PDGFC: variants seen among roughly 807,000 people sequenced by gnomAD.
PDGFC encodes the protein platelet-derived growth factor C.
A neutral mutation model predicts 35.5 loss-of-function variants in PDGFC; 12 were observed. The ratio of observed to expected loss-of-function variants is 0.34; its 90% CI spans 0.22 to 0.55. The LOEUF is 0.55. Among genes scored for constraint, PDGFC ranks in the 20% least tolerant of loss-of-function variants. The probability of loss-of-function intolerance (pLI) is 0.91; values close to 1 mark genes in which losing one functional copy is unlikely to be tolerated. For missense variants in PDGFC, 322 were observed against 412.4 expected, an observed-to-expected ratio of 0.78 and a Z score of 1.90; for synonymous variants, 159 against 148.8, an observed-to-expected ratio of 1.07 and a Z score of -0.50.
chr4:156,874,819 C>T (rs900053567), intron 1 of PDGFC, among the ~76,000 whole-genome samples: 2 of 151,848 alleles, frequency 1.3e-5, no homozygotes, highest in African/African-American at 4.8e-5. Flanking sequence ...GGGGCTCACA[C>T]CATCCTCCCA....
chr4:156,770,650 A>C (rs1255882688), intron 4 of PDGFC: 1 of 152,128 alleles, frequency 6.6e-6, no homozygotes, highest in African/African-American at 2.4e-5. Context: ...TCTCCTAAGA[A>C]AACAAATACA....
At chr4:156,871,816 T>G (rs1247060908) in intron 1 of PDGFC, among the ~76,000 whole-genome samples, 1 of 152,010 alleles carries the variant, frequency 6.6e-6, no homozygotes, top group East Asian at 1.9e-4. Context: ...AGTATTCTTG[T>G]AAACAAACAT....
chr4:156,860,760 T>A (rs1729691739), intron 1 of PDGFC, among the ~76,000 whole-genome samples: 1 of 152,122 alleles, frequency 6.6e-6, no homozygotes, highest in Non-Finnish European at 1.5e-5. Flanking sequence ...TGATTTAAAC[T>A]TAAAGATCTA....
At position 156,767,757 on chromosome 4, in the gene PDGFC, A is replaced by G; in HGVS notation, c.921+16T>C. On this transcript the variant is annotated intron_variant, in intron 5 of 5. Coordinates refer to ENST00000502773, the MANE Select transcript of PDGFC (RefSeq NM_016205.3). Reference sequence around the variant, plus strand: ...AAAATACCCGAAGGAAACCAAAAAGAAAATTGTATACCTACCTCGTGGTAT... The same window carrying G: ...AAAATACCCGAAGGAAACCAAAAAGGAAATTGTATACCTACCTCGTGGTAT... The G allele has an allele frequency of 3.2e-6, 5 of 1,546,676 alleles. No individual in the cohort carries two copies. Among genetic ancestry groups the G allele is most frequent in the Non-Finnish European group, 4.5e-6 (5 of 1,119,192 alleles).
chr4:156,825,644 A>AAGAAGAAGAAG (rs1732446520), intron 2 of PDGFC, among the ~76,000 whole-genome samples: 1 of 116,082 alleles, frequency 8.6e-6, no homozygotes, highest in African/African-American at 3.7e-5. Context: ...AGAAGAAGAA[A>AAGAAGAAGAAG]AGAAAGAAGG....
intron 1 of PDGFC, among the ~76,000 whole-genome samples, chr4:156,951,654 G>A (rs1021067569): frequency 6.7e-6 from 1 of 149,792 alleles, no homozygotes; most frequent in Non-Finnish European, 1.5e-5. Context: ...TCTTAATTTT[G>A]TGATACTATT....
intron 1 of PDGFC, among the ~76,000 whole-genome samples, chr4:156,913,138 C>A (rs1731077690): frequency 6.6e-6 from 1 of 151,992 alleles, no homozygotes; most frequent in Non-Finnish European, 1.5e-5. Flanking sequence ...ATATACATAC[C>A]CTTCGCATCA....
chr4:156,827,778 T>C (rs1728815369), intron 2 of PDGFC, among the ~76,000 whole-genome samples: 1 of 152,130 alleles, frequency 6.6e-6, no homozygotes, highest in Admixed American at 6.5e-5. Context: ...TTTTATTATT[T>C]TCCAAGGTCA....
chr4:156,873,747 C>A (rs934116014), intron 1 of PDGFC, among the ~76,000 whole-genome samples: 1 of 152,094 alleles, frequency 6.6e-6, no homozygotes, highest in Non-Finnish European at 1.5e-5. Flanking sequence ...TTGTTTTAAT[C>A]CCAAGATCCC....
At chr4:156,836,894 A>G (rs1327741205) in intron 2 of PDGFC, among the ~76,000 whole-genome samples, 1 of 152,182 alleles carries the variant, frequency 6.6e-6, no homozygotes, top group African/African-American at 2.4e-5. Context: ...TCAGTTAGGA[A>G]TAAATTTTAA....
chr4:156,763,750 T>C (rs1730447364), intron 5 of PDGFC, among the ~76,000 whole-genome samples: 1 of 152,216 alleles, frequency 6.6e-6, no homozygotes, highest in African/African-American at 2.4e-5. Flanking sequence ...CTTGATGAGA[T>C]GGATTAGATG....
At chr4:156,872,966 C>G (rs1730022448) in intron 1 of PDGFC, among the ~76,000 whole-genome samples, 1 of 152,044 alleles carries the variant, frequency 6.6e-6, no homozygotes. Context: ...CTGATTTCTA[C>G]TGTAAATAAA....
At chr4:156,928,320 G>A (rs928291288) in intron 1 of PDGFC, among the ~76,000 whole-genome samples, 1 of 151,974 alleles carries the variant, frequency 6.6e-6, no homozygotes, top group African/African-American at 2.4e-5. Flanking sequence ...TGAACTCCTG[G>A]GCTCAAGAGA....
At chr4:156,920,644 A>AACACACACACAC (rs10611712) in intron 1 of PDGFC, among the ~76,000 whole-genome samples, 1 of 132,000 alleles carries the variant, frequency 7.6e-6, no homozygotes, top group South Asian at 2.5e-4. Context: ...AGGAAAAGAA[A>AACACACACACAC]ACACACACAC....
At chr4:156,913,397 C>T (rs1167473430) in intron 1 of PDGFC, among the ~76,000 whole-genome samples, 1 of 152,042 alleles carries the variant, frequency 6.6e-6, no homozygotes, top group Non-Finnish European at 1.5e-5. Flanking sequence ...TTGTACCAGG[C>T]CAAACTGCAA....
At chr4:156,822,355 TCAAAAAA>T (rs1732290865) in intron 2 of PDGFC, among the ~76,000 whole-genome samples, 1 of 36,864 alleles carries the variant, frequency 2.7e-5, no homozygotes, top group African/African-American at 2.2e-4. Context: ...TGAAACTGTC[TCAAAAAA>T]AAAAAAAAAA....
chr4:156,803,593 A>G (rs1244483530), intron 3 of PDGFC, among the ~76,000 whole-genome samples: 2 of 152,154 alleles, frequency 1.3e-5, no homozygotes, highest in African/African-American at 4.8e-5. Context: ...CAAAAGAGTT[A>G]TTTCAAAAAA....
chr4:156,919,066 GT>G (rs1731214585), intron 1 of PDGFC, among the ~76,000 whole-genome samples: 1 of 152,048 alleles, frequency 6.6e-6, no homozygotes, highest in African/African-American at 2.4e-5. Context: ...ACAATGTTTT[GT>G]TTACTTCTTT....
chr4:156,887,369 C>T (rs762673499), intron 1 of PDGFC, among the ~76,000 whole-genome samples: 36 of 152,148 alleles, frequency 2.4e-4, no homozygotes, highest in South Asian at 4.1e-4. Flanking sequence ...TGTCATCATG[C>T]CATTTTCATT....
Sources: allele counts gnomAD v4.1 joint callset (sites outside exome capture counted in the v4.1 genomes callset), GRCh38; gene constraint gnomAD v4.1.1; transcripts MANE v1.5; gene names NCBI Gene and HGNC (gene_info 2026-07-23, HGNC 2026-07-21).